Variants in FSIP2 observed in about 807,000 individuals in gnomAD.
The protein encoded by FSIP2 is fibrous sheath interacting protein 2.
A neutral mutation model predicts 510.5 loss-of-function variants in FSIP2; 367 were observed. The observed-to-expected ratio is 0.72, with a 90% CI of 0.66 to 0.78. The LOEUF (loss-of-function observed/expected upper bound fraction) is 0.78. Ranked by LOEUF, FSIP2 falls within the 30% of genes least tolerant of loss-of-function variation. FSIP2 has a pLI of 0.00. For synonymous variants in FSIP2, 2,601 were observed against 2,732.2 expected (o/e 0.95, Z 1.50); for missense variants, 7,594 against 7,901.7 (o/e 0.96, Z 1.48).
At position 185,761,072 on chromosome 2, in the gene FSIP2, C is replaced by T. The variant is rs931825188; in HGVS notation, c.1163C>T (p.Ala388Val). The change falls in exon 10 of 23, where the codon GCA becomes GTA. Residue 388 changes from alanine to valine, a missense_variant. Coordinates refer to ENST00000424728, the MANE Select transcript of FSIP2 (RefSeq NM_173651.4). ...AACTCAGCTTCTGTTGTTTATCAGG[C>T]AGATGTACAGGATAATGGTATAAAT... ...KKNSASVVYQ[A>V]DVQDNGINQK... The T allele has an allele frequency of 1.1e-5, 16 of 1,455,708 alleles. No individual in the cohort carries two copies. Among genetic ancestry groups the T allele is most frequent in the Non-Finnish European group, 1.4e-5 (15 of 1,079,800 alleles). 90.2% of individuals were successfully genotyped at this position (1,455,708 alleles called of 1,614,324 possible).
intron 13 of FSIP2, among the ~76,000 whole-genome samples, chr2:185,774,111 A>G (rs1238352488): frequency 6.6e-6 from 1 of 152,138 alleles, no homozygotes; most frequent in Non-Finnish European, 1.5e-5. Flanking sequence ...TGTGAAATTG[A>G]GACTTATTCT....
chr2:185,738,691 G>A (rs1691838181), upstream of FSIP2: 2 of 1,536,092 alleles, frequency 1.3e-6, no homozygotes, highest in African/African-American at 1.4e-5. Flanking sequence ...AGCTCTGCGG[G>A]CGCTCTACGC....
At position 185,743,211 on chromosome 2, in the gene FSIP2, G is replaced by A; in HGVS notation, c.304G>A (p.Asp102Asn). 6.5e-7 allele frequency: 1 copy of A among 1,529,812 alleles called. No homozygotes were observed. The highest frequency in any genetic ancestry group is 1.4e-5 in the African/African-American group (1 of 72,740). The allele number at this position is 1,529,812 out of a possible 1,614,324, so 94.8% of individuals were successfully genotyped here. A position where few individuals can be genotyped will look rare whatever the true frequency, so the allele number is the denominator to read the frequency against. Residue 102 changes from aspartate to asparagine, a missense_variant, in exon 3 of 23, where the codon GAT (aspartate) becomes AAT (asparagine). Coordinates refer to ENST00000424728, the MANE Select transcript of FSIP2 (RefSeq NM_173651.4). Reference protein sequence around the residue: ...LLENQYKSLHDPHLKAYYKRK... With the variant: ...LLENQYKSLHNPHLKAYYKRK... ...GGAAAACCAATATAAAAGCCTCCAT[G>A]ATCCACATTTAAAAGCATACTATAA...
At position 185,805,690 on chromosome 2, in the gene FSIP2, T is replaced by C. The variant is rs994348127; in HGVS notation, c.16384T>C (p.Leu5462=). The C allele has an allele frequency of 3.1e-6, 5 of 1,610,556 alleles. No homozygotes were observed. Among genetic ancestry groups the C allele is most frequent in the African/African-American group, 2.7e-5 (2 of 74,744 alleles). The change falls in exon 17 of 23, where the codon TTG becomes CTG. Residue 5462 remains leucine (L), a synonymous_variant. Coordinates refer to ENST00000424728, the MANE Select transcript of FSIP2 (RefSeq NM_173651.4). ...TPDCKNMMST[L]EINRGTMNRK... ...AGATTGCAAAAACATGATGAGCACT[T>C]TGGAAATAAATAGAGGTACAATGAA...
At position 185,805,420 on chromosome 2, in the gene FSIP2, G is replaced by A; in HGVS notation, c.16114G>A (p.Asp5372Asn). 1 of 1,604,500 alleles carries A rather than the reference G, an allele frequency of 6.2e-7. No individual in the cohort carries two copies. The highest frequency in any genetic ancestry group is 8.5e-7 in the Non-Finnish European group (1 of 1,176,274). ...CACATCTCATGATATTCAAAAAGGT[G>A]ATGAAAGTAACATTGCTATAGGGAT... The part of the protein sequence containing the change: ...KCTSHDIQKG[D>N]ESNIAIGMIA... The change falls in exon 17 of 23, where the codon GAT (aspartate) becomes AAT (asparagine). Residue 5372 changes from aspartate to asparagine, a missense_variant. Coordinates refer to ENST00000424728, the MANE Select transcript of FSIP2 (RefSeq NM_173651.4).
intron 7 of FSIP2, among the ~76,000 whole-genome samples, chr2:185,750,505 C>T (rs1189037630): frequency 6.6e-6 from 1 of 150,854 alleles, no homozygotes; most frequent in African/African-American, 2.4e-5. Context: ...TTCTTTTTTC[C>T]TTATCAGTCC....
chr2:185,773,791 CTCT>C (rs2105580060), intron 13 of FSIP2, among the ~76,000 whole-genome samples: 1 of 152,202 alleles, frequency 6.6e-6, no homozygotes, highest in African/African-American at 2.4e-5. Context: ...CTAGCTATAT[CTCT>C]TCTTGTTTCT....
chr2:185,793,442 T>C lies in FSIP2; in HGVS notation c.6306T>C (p.Tyr2102=), dbSNP rs1693187655. 2 of 1,534,394 alleles carry C rather than the reference T, an allele frequency of 1.3e-6. No homozygotes were observed. Among genetic ancestry groups the C allele is most frequent in the East Asian group, 4.9e-5 (2 of 40,824 alleles). Residue 2102 remains tyrosine, a synonymous_variant, in exon 16 of 23, where the codon TAT becomes TAC. Coordinates refer to ENST00000424728, the MANE Select transcript of FSIP2 (RefSeq NM_173651.4). The stretch of plus-strand genomic sequence containing the variant: ...TTGAAGGTATCCTATGTGATATTTA[T>C]GAAAAAACCCTGTTTCAGAATAATC... The part of the protein sequence containing the change: ...DTIEGILCDI[Y]EKTLFQNNLS...
intron 13 of FSIP2, among the ~76,000 whole-genome samples, chr2:185,769,910 T>G (rs1465184615): frequency 6.6e-6 from 1 of 152,088 alleles, no homozygotes; most frequent in Non-Finnish European, 1.5e-5. Flanking sequence ...TTGTCAAAGA[T>G]CAGATGGTTG....
In FSIP2 at chr2:185,794,371, A is replaced by C; in HGVS notation, c.7235A>C (p.Asn2412Thr). The C allele has an allele frequency of 2.0e-6, 3 of 1,517,680 alleles. No homozygotes were observed. Among genetic ancestry groups the C allele is most frequent in the Non-Finnish European group, 2.6e-6 (3 of 1,139,354 alleles). 94.0% of individuals were successfully genotyped at this position (1,517,680 alleles called of 1,614,324 possible). A position where few individuals can be genotyped will look rare whatever the true frequency, so the allele number is the denominator to read the frequency against. The change falls in exon 16 of 23, where the codon AAT becomes ACT. Residue 2412 changes from asparagine (N) to threonine (T), a missense_variant. By Grantham distance (65) the Asn-to-Thr change is moderately conservative (BLOSUM62 0). Transcript: ENST00000424728. ...AGATCTGTAAAGGAAATTTGTTTTA[A>C]TTCAAAAGAAAATTCTAACTTTTCA... ...DKRSVKEICF[N>T]SKENSNFSQL...
rs908461124 is a variant in FSIP2 at position 185,803,039 on chromosome 2, G to T, written c.13733G>T (p.Gly4578Val). ...SNDILIDRIA[G>V]FIIKHICQKH... ...GACATTCTTATAGATAGAATAGCAGGTTTCATCATTAAACATATCTGTCAA... is the reference window on the plus strand; with the variant it reads ...GACATTCTTATAGATAGAATAGCAGTTTTCATCATTAAACATATCTGTCAA... Residue 4578 changes from glycine (G) to valine (V), a missense_variant, in exon 17 of 23, where the codon GGT becomes GTT. By Grantham distance (109) the Gly-to-Val change is moderately radical (BLOSUM62 -3). Transcript: ENST00000424728. The T allele has an allele frequency of 3.3e-6, 5 of 1,522,640 alleles. No individual in the cohort carries two copies. Among genetic ancestry groups the T allele is most frequent in the East Asian group, 4.9e-5 (2 of 40,744 alleles). The allele number at this position is 1,522,640 out of a possible 1,614,324, so 94.3% of individuals were successfully genotyped here. A position where few individuals can be genotyped will look rare whatever the true frequency, so the allele number is the denominator to read the frequency against.
chr2:185,743,804 C>T (rs1015091535), intron 3 of FSIP2, among the ~76,000 whole-genome samples: 2 of 152,028 alleles, frequency 1.3e-5, no homozygotes, highest in African/African-American at 4.8e-5. Context: ...CACTAAACTC[C>T]TTTTATGATA....
intron 2 of FSIP2, among the ~76,000 whole-genome samples, chr2:185,739,871 T>C (rs955941162): frequency 5.9e-5 from 9 of 152,142 alleles, no homozygotes; most frequent in Admixed American, 5.9e-4. Flanking sequence ...CCAAACTCTC[T>C]TCACGGGAAA....
chr2:185,802,127 C>T lies in FSIP2; in HGVS notation c.12821C>T (p.Pro4274Leu), dbSNP rs1411602380. ...GAGGTTTTATGTCATCCAAGGACTC[C>T]ACTGGATCCAGTGTCTACTATTGTT... ...SGEVLCHPRT[P>L]LDPVSTIVTQ... The change falls in exon 17 of 23, where the codon CCA becomes CTA. Residue 4274 changes from proline to leucine, a missense_variant. By Grantham distance (98) the Pro-to-Leu change is moderately conservative. Transcript: ENST00000424728. The T allele has an allele frequency of 1.5e-5, 23 of 1,533,312 alleles. No homozygotes were observed. Among genetic ancestry groups the T allele is most frequent in the Non-Finnish European group, 1.8e-5 (21 of 1,145,050 alleles). The allele number at this position is 1,533,312 out of a possible 1,614,324, so 95.0% of individuals were successfully genotyped here. A position where few individuals can be genotyped will look rare whatever the true frequency, so the allele number is the denominator to read the frequency against.
In FSIP2 at chr2:185,790,963, G is replaced by A. The variant is rs1304365113; in HGVS notation, c.3827G>A (p.Cys1276Tyr). Residue 1276 changes from cysteine to tyrosine, a missense_variant, in exon 16 of 23, where the codon TGT (cysteine) becomes TAT (tyrosine). Physicochemically the swap from Cys to Tyr is radical, Grantham distance 194. Coordinates refer to ENST00000424728, the MANE Select transcript of FSIP2 (RefSeq NM_173651.4). Reference sequence around the variant, plus strand: ...TTTAAAAGACTGAAGTCATTTATTTGTCCAAAATTGCATATGGGCTTCAAA... The same window carrying A: ...TTTAAAAGACTGAAGTCATTTATTTATCCAAAATTGCATATGGGCTTCAAA... ...TIFKRLKSFI[C>Y]PKLHMGFKSS... 3 of 1,526,102 alleles carry A rather than the reference G, an allele frequency of 2.0e-6. No homozygotes were observed. Among genetic ancestry groups the A allele is most frequent in the Non-Finnish European group, 2.6e-6 (3 of 1,143,014 alleles). The allele number at this position is 1,526,102 out of a possible 1,614,324, so 94.5% of individuals were successfully genotyped here.
chr2:185,751,707 A>G (rs1042116278), intron 7 of FSIP2, among the ~76,000 whole-genome samples: 2 of 150,634 alleles, frequency 1.3e-5, no homozygotes, highest in African/African-American at 4.9e-5. Flanking sequence ...CTTTGTATCT[A>G]TTTTGTATAT....
rs1016340919 is a variant in FSIP2, at chr2:185,800,408, A to G, written c.11102A>G (p.Asn3701Ser). The change falls in exon 17 of 23, where the codon AAT becomes AGT. Residue 3701 changes from asparagine (N) to serine (S), a missense_variant. Transcript: ENST00000424728. The stretch of plus-strand genomic sequence containing the variant: ...AAAGAAGTAGTCAATAAAGTTTTTA[A>G]TATTGTTTCAGATTTATTTTCACCA... ...ESKEVVNKVF[N>S]IVSDLFSPDE... The G allele has an allele frequency of 1.3e-5, 20 of 1,526,782 alleles. No individual in the cohort carries two copies. The highest frequency in any genetic ancestry group is 1.0e-4 in the Admixed American group (5 of 49,338). 94.6% of individuals were successfully genotyped at this position (1,526,782 alleles called of 1,614,324 possible).
rs1159682065 is a variant in FSIP2, at chr2:185,794,863, C to T, written c.7727C>T (p.Ser2576Phe). Residue 2576 changes from serine to phenylalanine, a missense_variant, in exon 16 of 23, where the codon TCC (serine) becomes TTC (phenylalanine). Ser to Phe is a radical substitution (Grantham distance 155). Coordinates refer to ENST00000424728, the MANE Select transcript of FSIP2 (RefSeq NM_173651.4). ...GTTGAAATATCTGACCACAATGATT[C>T]CTTACTAATGAAACCATTAAGGTTT... ...TEVEISDHND[S>F]LLMKPLRFRE... The T allele has an allele frequency of 6.5e-7, 1 of 1,532,590 alleles. No homozygotes were observed. The highest frequency in any genetic ancestry group is 1.4e-5 in the African/African-American group (1 of 72,942). 94.9% of individuals were successfully genotyped at this position (1,532,590 alleles called of 1,614,324 possible).
In FSIP2 at chr2:185,807,269, A is replaced by G; in HGVS notation, c.17963A>G (p.Gln5988Arg). ...TCTAAGGATGTTGTTAAAAAGGTCC[A>G]AAAGTTGGCCCAAACAGCCAGCAAA... Reference protein sequence around the residue: ...LESKDVVKKVQKLAQTASKEC... With the variant: ...LESKDVVKKVRKLAQTASKEC... The change falls in exon 17 of 23, where the codon CAA (glutamine) becomes CGA (arginine). Residue 5988 changes from glutamine (Q) to arginine (R), a missense_variant. Transcript: ENST00000424728. 1 of 1,612,844 alleles carries G rather than the reference A, an allele frequency of 6.2e-7. No homozygotes were observed. The highest frequency in any genetic ancestry group is 8.5e-7 in the Non-Finnish European group (1 of 1,179,242).
Sources: gnomAD v4.1 joint callset for allele counts (sites outside exome capture counted in the v4.1 genomes callset) on GRCh38, gnomAD v4.1.1 for gene constraint, MANE v1.5 for transcripts, NCBI Gene and HGNC (gene_info 2026-07-23, HGNC 2026-07-21) for gene names.